Variants in PDE4B observed in about 807,000 individuals in gnomAD.
PDE4B encodes 3',5'-cyclic-AMP phosphodiesterase 4B.
In PDE4B, 20 loss-of-function variants were observed where a neutral mutation model predicts 82.2. That is an observed-to-expected ratio of 0.24 (90% CI 0.17 to 0.35). The LOEUF (loss-of-function observed/expected upper bound fraction) is 0.35. Among genes scored for constraint, PDE4B ranks in the 10% least tolerant of loss-of-function variants. PDE4B has a pLI of 1.00. For missense variants in PDE4B, 655 were observed against 907.2 expected (o/e 0.72, Z 3.57); for synonymous variants, 320 against 318.9 (o/e 1.00, Z -0.04).
chr1:65,815,569 C>T (rs1645873128), intron 1 of PDE4B, among the ~76,000 whole-genome samples: 1 of 152,068 alleles, frequency 6.6e-6, no homozygotes, highest in African/African-American at 2.4e-5. Flanking sequence ...ACTATCTTTA[C>T]AACTTTTCTG....
chr1:66,166,985 T>C (rs1646746300), intron 3 of PDE4B, among the ~76,000 whole-genome samples: 1 of 152,066 alleles, frequency 6.6e-6, no homozygotes, highest in Non-Finnish European at 1.5e-5. Context: ...AAAATGCAAA[T>C]CAAAACCACA....
chr1:65,883,967 G>T (rs908344148), intron 1 of PDE4B, among the ~76,000 whole-genome samples: 16 of 152,158 alleles, frequency 1.1e-4, no homozygotes, highest in African/African-American at 3.6e-4. Context: ...ATTTATTGAT[G>T]TGCGTGTGTT....
intron 1 of PDE4B, among the ~76,000 whole-genome samples, chr1:65,831,792 A>G (rs1368779550): frequency 6.6e-6 from 1 of 152,194 alleles, no homozygotes; most frequent in Non-Finnish European, 1.5e-5. Flanking sequence ...CAAATTCAGC[A>G]ATATGTAAGT....
chr1:66,188,231 T>C (rs1309917223), intron 3 of PDE4B, among the ~76,000 whole-genome samples: 2 of 152,106 alleles, frequency 1.3e-5, no homozygotes, highest in Non-Finnish European at 2.9e-5. Flanking sequence ...CTTTTACATT[T>C]GTTGAGGAGT....
intron 3 of PDE4B, among the ~76,000 whole-genome samples, chr1:66,049,993 G>A (rs531540601): frequency 2.0e-5 from 3 of 152,112 alleles, no homozygotes; most frequent in African/African-American, 7.2e-5. Flanking sequence ...ATTTTTAGAA[G>A]AATAATTCAA....
intron 1 of PDE4B, among the ~76,000 whole-genome samples, chr1:65,897,137 T>C (rs1646919406): frequency 6.6e-6 from 1 of 152,172 alleles, no homozygotes; most frequent in African/African-American, 2.4e-5. Context: ...ATTTCTATTT[T>C]AATAAATAAG....
At chr1:66,342,169 G>A (rs769769422) in intron 8 of PDE4B, among the ~76,000 whole-genome samples, 7 of 152,232 alleles carry the variant, frequency 4.6e-5, no homozygotes, top group East Asian at 1.9e-4. Flanking sequence ...AAAATGACTC[G>A]AGGAATTGAG....
At chr1:66,096,440 G>A (rs1333563842) in intron 3 of PDE4B, among the ~76,000 whole-genome samples, 1 of 146,020 alleles carries the variant, frequency 6.8e-6, no homozygotes, top group Non-Finnish European at 1.5e-5. Context: ...CAAAATGGCT[G>A]CCACTTGTGG....
intron 1 of PDE4B, among the ~76,000 whole-genome samples, chr1:65,892,999 A>G (rs1646868916): frequency 6.6e-6 from 1 of 152,154 alleles, no homozygotes; most frequent in East Asian, 1.9e-4. Flanking sequence ...TTGAAAATAA[A>G]ATTCAATAGA....
chr1:66,172,662 A>AGATG (rs1646859699), intron 3 of PDE4B, among the ~76,000 whole-genome samples: 1 of 152,214 alleles, frequency 6.6e-6, no homozygotes, highest in Non-Finnish European at 1.5e-5. Flanking sequence ...GTAAGATGGT[A>AGATG]GCTCATCATA....
chr1:66,287,705 G>A (rs547935952), intron 7 of PDE4B, among the ~76,000 whole-genome samples: 2 of 152,258 alleles, frequency 1.3e-5, no homozygotes, highest in South Asian at 4.1e-4. Context: ...TTTAGGCTAG[G>A]CATAGTGGCT....
In PDE4B at chr1:66,003,578, C is replaced by T. The variant is rs527633997; in HGVS notation, c.281+84743C>T. Among the ~76,000 whole-genome samples, 19 of 152,250 alleles carry T rather than the reference C, an allele frequency of 1.2e-4. No homozygotes were observed. The East Asian group carries it at 1.7e-3, about 14-fold the overall frequency. The stretch of plus-strand genomic sequence containing the variant: ...GTCATCAAACTTATTTATCTCAAAA[C>T]GTCTCCTTCCATCCTTTCTGATCCT... On this transcript the variant is annotated intron_variant, in intron 3 of 16. Transcript: ENST00000341517.
chr1:65,867,011 G>A (rs954894347), intron 1 of PDE4B, among the ~76,000 whole-genome samples: 8 of 152,112 alleles, frequency 5.3e-5, no homozygotes, highest in Non-Finnish European at 8.8e-5. Flanking sequence ...TTTTAGAGGT[G>A]TTTAATGAAA....
At chr1:65,957,982 C>T (rs1019054994) in intron 3 of PDE4B, among the ~76,000 whole-genome samples, 1 of 152,134 alleles carries the variant, frequency 6.6e-6, no homozygotes, top group Admixed American at 6.5e-5. Flanking sequence ...CCCTTCTAAT[C>T]TTTACTCCTT....
At chr1:65,803,339 C>T (rs931757496) in intron 1 of PDE4B, among the ~76,000 whole-genome samples, 7 of 152,054 alleles carry the variant, frequency 4.6e-5, no homozygotes, top group African/African-American at 1.4e-4. Flanking sequence ...GTGCATTATT[C>T]GCTCTAAAAG....
intron 3 of PDE4B, among the ~76,000 whole-genome samples, chr1:66,081,911 T>G (rs1241319156): frequency 6.6e-6 from 1 of 151,148 alleles, no homozygotes; most frequent in Non-Finnish European, 1.5e-5. Flanking sequence ...CTTTGCCCAT[T>G]AAAATAGCAT....
intron 1 of PDE4B, among the ~76,000 whole-genome samples, chr1:65,802,944 A>G (rs982239687): frequency 4.6e-5 from 7 of 152,138 alleles, no homozygotes; most frequent in African/African-American, 1.7e-4. Flanking sequence ...ATTGTGTACT[A>G]TTATGTATTA....
intron 3 of PDE4B, among the ~76,000 whole-genome samples, chr1:65,990,061 G>A (rs1366526017): frequency 6.6e-6 from 1 of 151,464 alleles, no homozygotes; most frequent in African/African-American, 2.4e-5. Context: ...TTCTAGAGTA[G>A]GTAGAATTAA....
At chr1:66,179,086 A>T (rs1444940784) in intron 3 of PDE4B, among the ~76,000 whole-genome samples, 1 of 152,160 alleles carries the variant, frequency 6.6e-6, no homozygotes, top group Admixed American at 6.5e-5. Context: ...TCCTGACCTC[A>T]GGTGATCTGC....
Sources: gnomAD v4.1 joint callset for allele counts (sites outside exome capture counted in the v4.1 genomes callset) on GRCh38, gnomAD v4.1.1 for gene constraint, MANE v1.5 for transcripts, NCBI Gene and HGNC (gene_info 2026-07-23, HGNC 2026-07-21) for gene names.